The following CRACR2A variants were observed in gnomAD, a reference collection of about 807,000 sequenced individuals.
CRACR2A encodes calcium release activated channel regulator 2A, also known as EF-hand calcium-binding domain-containing protein 4B.
In CRACR2A, 79 loss-of-function variants were observed where a neutral mutation model predicts 90.5. The ratio of observed to expected loss-of-function variants is 0.87; its 90% CI spans 0.73 to 1.05. The LOEUF (loss-of-function observed/expected upper bound fraction) is 1.05, where lower values mean the gene tolerates loss of function less well. CRACR2A is among the 50% of genes least tolerant of loss of function. The pLI is 0.00. For synonymous variants in CRACR2A, 338 were observed against 356.7 expected (o/e 0.95, Z 0.59); for missense variants, 823 against 897.2 (o/e 0.92, Z 1.06).
chr12:3,751,180 C>T (rs1457458452), intron 1 of CRACR2A, among the ~76,000 whole-genome samples: 1 of 152,208 alleles, frequency 6.6e-6, no homozygotes, highest in Non-Finnish European at 1.5e-5. Context: ...ATAGCAATCT[C>T]CTCATGAGGT....
intron 1 of CRACR2A, among the ~76,000 whole-genome samples, chr12:3,745,780 A>AAAAATAATAAAAT (rs1555123105): frequency 1.9e-5 from 2 of 106,730 alleles, no homozygotes; most frequent in African/African-American, 3.8e-5. Flanking sequence ...CTTCGTCTCA[A>AAAAATAATAAAAT]AAAATAAAAT....
At chr12:3,686,638 G>T (rs1216831760) in intron 4 of CRACR2A, among the ~76,000 whole-genome samples, 1 of 152,006 alleles carries the variant, frequency 6.6e-6, no homozygotes, top group African/African-American at 2.4e-5. Context: ...TTTCCTCTCT[G>T]TCCTTTCCTC....
intron 1 of CRACR2A, among the ~76,000 whole-genome samples, chr12:3,751,904 A>G (rs1946710384): frequency 6.6e-6 from 1 of 152,172 alleles, no homozygotes; most frequent in Admixed American, 6.5e-5. Flanking sequence ...ATACTAAACC[A>G]TGAGGTTGTA....
intron 13 of CRACR2A, among the ~76,000 whole-genome samples, chr12:3,640,204 C>T (rs1409891895): frequency 2.0e-5 from 3 of 152,234 alleles, no homozygotes; most frequent in Admixed American, 6.5e-5. Flanking sequence ...TCCGTAGGGA[C>T]AGCAGCTACT....
rs76826063 is a variant in CRACR2A at position 3,638,633 on chromosome 12, C to T, written c.1272-179G>A. The stretch of plus-strand genomic sequence containing the variant: ...TTCTGCAGCTCATTCATTCAACACG[C>T]TTCCACTAAGTGCCTGCTGCCACTG... On this transcript the variant is annotated intron_variant, in intron 13 of 19. Transcript: ENST00000440314. Among the ~76,000 whole-genome samples the T allele has an allele frequency of 7.0e-4, 106 of 152,290 alleles. No homozygotes were observed. In the East Asian group the frequency reaches 0.015, roughly 21 times the overall value.
At chr12:3,695,870 GAC>G (rs774214720) in intron 4 of CRACR2A, among the ~76,000 whole-genome samples, 7 of 152,228 alleles carry the variant, frequency 4.6e-5, no homozygotes, top group Non-Finnish European at 8.8e-5. Context: ...ACTTCAGTCA[GAC>G]ACTGAGAAGT....
In CRACR2A at chr12:3,630,340, C is replaced by T. The variant is rs532867732; in HGVS notation, c.1736-2634G>A. Among the ~76,000 whole-genome samples the T allele has an allele frequency of 1.1e-4, 16 of 152,202 alleles. No homozygotes were observed. The East Asian group carries it at 1.5e-3, about 15-fold the overall frequency. On this transcript the variant is annotated intron_variant, in intron 15 of 19. Coordinates refer to ENST00000440314, the MANE Select transcript of CRACR2A (RefSeq NM_001144958.2). ...CCAGGAGGGTGACCTTAACCTTTCTCGAGGTGACAGCCCTGAGCTGTCATA... is the reference window on the plus strand; with the variant it reads ...CCAGGAGGGTGACCTTAACCTTTCTTGAGGTGACAGCCCTGAGCTGTCATA...
chr12:3,711,568 C>A lies in CRACR2A; in HGVS notation c.-37+1669G>T, dbSNP rs147409613. Among the ~76,000 whole-genome samples the A allele has an allele frequency of 3.9e-5, 6 of 152,256 alleles. No individual in the cohort carries two copies. In the East Asian group the frequency reaches 1.2e-3, roughly 29 times the overall value. ...CCTCATCAGAATGGCTTTTATCATC[C>A]ATATTCCCACCAGTGTACTGTTCAG... On this transcript the variant is annotated intron_variant, in intron 3 of 19. Coordinates refer to ENST00000440314, the MANE Select transcript of CRACR2A (RefSeq NM_001144958.2). This position sits in a 1 kb window ranked among gnomAD's most constrained non-coding sequence, Gnocchi z 4.3.
At chr12:3,703,463 T>C (rs1945866263) in intron 3 of CRACR2A, among the ~76,000 whole-genome samples, 1 of 152,220 alleles carries the variant, frequency 6.6e-6, no homozygotes, top group African/African-American at 2.4e-5. Context: ...ATGTAAAACC[T>C]GTAAACATAA....
chr12:3,641,021 T>C (rs760299893), intron 13 of CRACR2A, among the ~76,000 whole-genome samples: 9 of 152,244 alleles, frequency 5.9e-5, no homozygotes, highest in Non-Finnish European at 1.2e-4. Context: ...TTAATTAACC[T>C]TCATAGCCAA....
chr12:3,633,736 C>G lies in CRACR2A; in HGVS notation c.1603G>C (p.Glu535Gln). 6.4e-7 allele frequency: 1 copy of G among 1,551,662 alleles called. No individual in the cohort carries two copies. The highest frequency in any genetic ancestry group is 8.7e-7 in the Non-Finnish European group (1 of 1,146,988). The change falls in exon 15 of 20, where the codon GAG (glutamate) becomes CAG (glutamine). Residue 535 changes from glutamate to glutamine, a missense_variant and splice_region_variant. Transcript: ENST00000440314. This position sits in a 1 kb window ranked among gnomAD's most constrained non-coding sequence, Gnocchi z 4.5. ...TCAGGGGCAGAGGGAGAGCTTTCCT[C>G]CTGTGGATGGCACACAATCTGACCA... ...QPVGKEALCK[E>Q]ESSPSAPDRL...
intron 12 of CRACR2A, among the ~76,000 whole-genome samples, chr12:3,644,042 T>G (rs1413094716): frequency 7.8e-6 from 1 of 128,896 alleles, no homozygotes; most frequent in Non-Finnish European, 1.6e-5. Context: ...TTTGTGATTC[T>G]ACGACTCATA....
chr12:3,744,794 C>T (rs984679703), intron 1 of CRACR2A, among the ~76,000 whole-genome samples: 5 of 152,172 alleles, frequency 3.3e-5, no homozygotes, highest in Admixed American at 1.3e-4. Flanking sequence ...CGAACTGAGA[C>T]GGTATCACTG....
intron 3 of CRACR2A, among the ~76,000 whole-genome samples, chr12:3,710,951 C>A (rs1371610077): frequency 6.6e-6 from 1 of 152,160 alleles, no homozygotes; most frequent in African/African-American, 2.4e-5. Flanking sequence ...TAAAGTGACA[C>A]AGTTATTCAG....
At chr12:3,742,817 C>G (rs1946548844) in intron 1 of CRACR2A, among the ~76,000 whole-genome samples, 1 of 152,164 alleles carries the variant, frequency 6.6e-6, no homozygotes, top group Admixed American at 6.5e-5. Context: ...TTGGCTAAGC[C>G]CTCTCCAAGG....
intron 14 of CRACR2A, among the ~76,000 whole-genome samples, chr12:3,635,556 G>A (rs1944441129): frequency 6.6e-6 from 1 of 152,036 alleles, no homozygotes; most frequent in Admixed American, 6.5e-5. Flanking sequence ...GCCCAGGCTG[G>A]AGTGCAGTGG....
intron 8 of CRACR2A, among the ~76,000 whole-genome samples, chr12:3,657,520 C>G (rs1159239281): frequency 6.6e-6 from 1 of 152,194 alleles, no homozygotes; most frequent in Non-Finnish European, 1.5e-5. Flanking sequence ...TGCGCATCCT[C>G]TATGGATGTT....
Position 3,659,580 on chromosome 12 carries a change from T to C in CRACR2A, c.746A>G (p.Glu249Gly). Residue 249 changes from glutamate to glycine, a missense_variant, in exon 8 of 20, where the codon GAG (glutamate) becomes GGG (glycine). Glu to Gly is a moderately conservative substitution (Grantham distance 98). Coordinates refer to ENST00000440314, the MANE Select transcript of CRACR2A (RefSeq NM_001144958.2). ...TACACTTACCTTCAGGAGAAACTGC[T>C]CCTTCTCACTTTTGATTTGTTGTTC... The part of the protein sequence containing the change: ...EMEQQIKSEK[E>G]QFLLKDTERF... The C allele has an allele frequency of 6.2e-7, 1 of 1,614,158 alleles. No homozygotes were observed. The highest frequency in any genetic ancestry group is 8.5e-7 in the Non-Finnish European group (1 of 1,180,010).
intron 1 of CRACR2A, among the ~76,000 whole-genome samples, chr12:3,747,757 G>T (rs554601004): frequency 1.3e-5 from 2 of 152,356 alleles, no homozygotes; most frequent in East Asian, 3.9e-4. Context: ...GTTCCGGGAG[G>T]AGGGCAGCCA....
Sources: gnomAD v4.1 joint callset for allele counts (sites outside exome capture counted in the v4.1 genomes callset) on GRCh38, gnomAD v4.1.1 for gene constraint, Gnocchi (gnomAD v3.1) non-coding constraint, MANE v1.5 for transcripts, NCBI Gene and HGNC (gene_info 2026-07-23, HGNC 2026-07-21) for gene names.